PRPSAP2: variants seen among roughly 807,000 people sequenced by gnomAD.
The protein encoded by PRPSAP2 is phosphoribosyl pyrophosphate synthetase associated protein 2.
A neutral mutation model predicts 40.6 loss-of-function variants in PRPSAP2; 24 were observed. The ratio of observed to expected loss-of-function variants is 0.59; its 90% CI spans 0.43 to 0.83. PRPSAP2 has a LOEUF of 0.83. PRPSAP2 is among the 40% of genes least tolerant of loss of function. PRPSAP2 has a pLI of 0.00. For missense variants in PRPSAP2, 292 were observed against 465.6 expected (o/e 0.63, Z 3.43); for synonymous variants, 149 against 164.7 (o/e 0.90, Z 0.73).
intron 9 of PRPSAP2, 72 bp from the exon 10 acceptor site, chr17:18,923,842 T>C (rs1405144586): frequency 3.6e-5 from 48 of 1,327,108 alleles, no homozygotes; most frequent in East Asian, 5.0e-5. Flanking sequence ...TATCTTGAGA[T>C]ATTAACTTCT....
At chr17:18,893,742 G>A (rs757751853) in intron 8 of PRPSAP2, among the ~76,000 whole-genome samples, 1 of 152,132 alleles carries the variant, frequency 6.6e-6, no homozygotes, top group Non-Finnish European at 1.5e-5. Context: ...TGTGTTTTTA[G>A]TAGAGACGGG....
At chr17:18,871,863 T>C (rs2037907525) in intron 4 of PRPSAP2, among the ~76,000 whole-genome samples, 2 of 152,120 alleles carry the variant, frequency 1.3e-5, no homozygotes, top group Admixed American at 1.3e-4. Context: ...TTTCTCTATG[T>C]TGGTCAGGCT....
intron 7 of PRPSAP2, 101 bp downstream of exon 7, chr17:18,882,784 T>C: frequency 1.3e-6 from 1 of 768,772 alleles, no homozygotes; most frequent in Non-Finnish European, 2.2e-6. Context: ...ACTTGATGTA[T>C]TGTACTTAAA....
At chr17:18,908,679 G>C in intron 8 of PRPSAP2, 1 of 723,366 alleles carries the variant, frequency 1.4e-6, no homozygotes, top group Non-Finnish European at 2.6e-6. Flanking sequence ...CAGAGCTGCT[G>C]GCCATCCACT....
At position 18,887,345 on chromosome 17, in the gene PRPSAP2, C is replaced by T. The variant is rs1276391819; in HGVS notation, c.529-2477C>T. On this transcript the variant is annotated intron_variant, in intron 7 of 11. Transcript: ENST00000268835. ...ATTCTCCTGGGTTCAAACAATTCTCCGGCCTCAACCTCCTGAGTAACTGGA... is the reference window on the plus strand; with the variant it reads ...ATTCTCCTGGGTTCAAACAATTCTCTGGCCTCAACCTCCTGAGTAACTGGA... 5.3e-5 allele frequency among the ~76,000 whole-genome samples: 8 copies of T among 152,066 alleles called. 1 individual carries two copies. The highest frequency in any genetic ancestry group is 4.6e-4 in the Admixed American group (7 of 15,242).
chr17:18,891,954 T>A (rs2039571276), intron 8 of PRPSAP2, among the ~76,000 whole-genome samples: 1 of 152,222 alleles, frequency 6.6e-6, no homozygotes, highest in Non-Finnish European at 1.5e-5. Flanking sequence ...CCTCCTGGGT[T>A]CAAGCAATTC....
At chr17:18,914,423 A>ATT (rs35469900) in intron 9 of PRPSAP2, among the ~76,000 whole-genome samples, 1,871 of 135,048 alleles carry the variant, frequency 0.014, 16 homozygotes, top group Non-Finnish European at 0.015. Flanking sequence ...GGCCTGGCTA[A>ATT]TTTTTTTTTT....
At chr17:18,908,247 C>A in intron 8 of PRPSAP2, 1 of 748,546 alleles carries the variant, frequency 1.3e-6, no homozygotes. Context: ...CCAGTGACGA[C>A]CCACTCAGCC....
intron 9 of PRPSAP2, among the ~76,000 whole-genome samples, chr17:18,913,282 G>A (rs1597720852): frequency 6.6e-6 from 1 of 152,186 alleles, no homozygotes. Flanking sequence ...TCTGTGCACT[G>A]TGGAGATGGC....
intron 6 of PRPSAP2, among the ~76,000 whole-genome samples, chr17:18,880,433 C>G (rs562141024): frequency 6.6e-6 from 1 of 152,122 alleles, no homozygotes; most frequent in East Asian, 1.9e-4. Flanking sequence ...GGTCTCAGTC[C>G]TCTTGCCCGG....
chr17:18,918,308 T>C (rs931425710), intron 9 of PRPSAP2, among the ~76,000 whole-genome samples: 4 of 152,150 alleles, frequency 2.6e-5, no homozygotes, highest in Non-Finnish European at 5.9e-5. Flanking sequence ...CAAGAGGCCA[T>C]CCTCAGAGTG....
chr17:18,886,666 C>T (rs1161056826), intron 7 of PRPSAP2, among the ~76,000 whole-genome samples: 1 of 152,002 alleles, frequency 6.6e-6, no homozygotes, highest in Non-Finnish European at 1.5e-5. Flanking sequence ...CCAACTTTTG[C>T]CATCTCTTCT....
At chr17:18,899,201 G>C (rs568648084) in intron 8 of PRPSAP2, among the ~76,000 whole-genome samples, 7 of 152,132 alleles carry the variant, frequency 4.6e-5, no homozygotes, top group Non-Finnish European at 1.0e-4. Flanking sequence ...ACCGTGCCCA[G>C]CTGATCTTTT....
intron 4 of PRPSAP2, among the ~76,000 whole-genome samples, chr17:18,871,653 C>CTTT (rs142523345): frequency 1.1e-3 from 137 of 129,792 alleles, no homozygotes; most frequent in South Asian, 1.7e-3. Context: ...ATATAATTTT[C>CTTT]TTTTTTTTTT....
At chr17:18,887,183 C>T (rs542514921) in intron 7 of PRPSAP2, among the ~76,000 whole-genome samples, 12 of 152,116 alleles carry the variant, frequency 7.9e-5, no homozygotes, top group African/African-American at 2.9e-4. Flanking sequence ...TATCCACCCG[C>T]CTCAACCTCC....
intron 1 of PRPSAP2, among the ~76,000 whole-genome samples, chr17:18,862,608 A>G (rs1333220535): frequency 6.6e-6 from 1 of 152,120 alleles, no homozygotes; most frequent in Non-Finnish European, 1.5e-5. Flanking sequence ...CAGTTTTCAC[A>G]GTTGTATGGA....
chr17:18,884,918 CA>C (rs1457577319), intron 7 of PRPSAP2, among the ~76,000 whole-genome samples: 6 of 152,192 alleles, frequency 3.9e-5, no homozygotes, highest in Non-Finnish European at 8.8e-5. Context: ...TCTCAAGGCA[CA>C]AATGGCAATT....
Position 18,865,820 on chromosome 17 carries a change from C to A in PRPSAP2, c.-14C>A. 6.8e-7 allele frequency: 1 copy of A among 1,467,584 alleles called. No homozygotes were observed. Among genetic ancestry groups the A allele is most frequent in the South Asian group, 1.5e-5 (1 of 66,326 alleles). 90.9% of individuals were successfully genotyped at this position (1,467,584 alleles called of 1,614,324 possible). On this transcript the variant is annotated 5_prime_UTR_variant, in exon 3 of 12. Transcript: ENST00000268835. ...CTTCTAGGCTCTGAAAATTGGAAAACCAAGAAGGTTTTGATGTTTTGTGTG... is the reference window on the plus strand; with the variant it reads ...CTTCTAGGCTCTGAAAATTGGAAAAACAAGAAGGTTTTGATGTTTTGTGTG...
intron 9 of PRPSAP2, among the ~76,000 whole-genome samples, chr17:18,918,256 G>A (rs970923427): frequency 6.6e-6 from 1 of 152,166 alleles, no homozygotes; most frequent in Non-Finnish European, 1.5e-5. Context: ...CTTATCAGCT[G>A]TGTGTTCTTG....
Sources: allele counts gnomAD v4.1 joint callset (sites outside exome capture counted in the v4.1 genomes callset), GRCh38; gene constraint gnomAD v4.1.1; transcripts MANE v1.5; gene names NCBI Gene and HGNC (gene_info 2026-07-23, HGNC 2026-07-21).